Variants in RBFOX2 observed in about 807,000 individuals in gnomAD.
RBFOX2 encodes RNA binding fox-1 homolog 2, also known as RNA binding protein fox-1 homolog 2.
Under a neutral mutation model 49.1 loss-of-function variants are expected in RBFOX2, and 10 were observed. That is an observed-to-expected ratio of 0.20 (90% CI 0.13 to 0.35). The LOEUF (loss-of-function observed/expected upper bound fraction) is 0.35, where lower values mean the gene tolerates loss of function less well. Ranked by LOEUF, RBFOX2 falls within the 10% of genes least tolerant of loss-of-function variation. The pLI is 1.00. For missense variants in RBFOX2, 323 were observed against 486.9 expected, an observed-to-expected ratio of 0.66 and a Z score of 3.17; for synonymous variants, 183 against 187.4, an observed-to-expected ratio of 0.98 and a Z score of 0.19.
chr22:36,018,212 C>T (rs935344476), intron 1 of RBFOX2, among the ~76,000 whole-genome samples: 1 of 152,170 alleles, frequency 6.6e-6, no homozygotes, highest in African/African-American at 2.4e-5. Context: ...GGCAGACATT[C>T]AATCAAGTAT....
At chr22:35,781,555 A>G in intron 3 of RBFOX2, 45 bp downstream of exon 4, 2 of 1,591,192 alleles carry the variant, frequency 1.3e-6, no homozygotes, top group Non-Finnish European at 1.7e-6. Context: ...GGGGATTAAA[A>G]TCTACTTTAA....
chr22:35,769,673 G>C (rs1023870897), intron 4 of RBFOX2, among the ~76,000 whole-genome samples: 31 of 152,106 alleles, frequency 2.0e-4, no homozygotes, highest in African/African-American at 7.5e-4. Flanking sequence ...GGATAACCCA[G>C]AACCCTTTAA....
At chr22:35,881,644 CTTTATTCTTATTTCTTAAT>C (rs1164084431) in intron 1 of RBFOX2, among the ~76,000 whole-genome samples, 1 of 150,288 alleles carries the variant, frequency 6.7e-6, no homozygotes, top group East Asian at 2.0e-4. Flanking sequence ...TTCACTATCC[CTTTATTCTTATTTCTTAAT>C]TATAAGAAAA....
At chr22:35,772,299 A>G (rs752266448) in intron 4 of RBFOX2, among the ~76,000 whole-genome samples, 3 of 152,190 alleles carry the variant, frequency 2.0e-5, no homozygotes, top group Non-Finnish European at 4.4e-5. Flanking sequence ...CAAACCACAT[A>G]TATAATTTAA....
chr22:35,969,399 CT>C (rs1431380923), intron 1 of RBFOX2, among the ~76,000 whole-genome samples: 2 of 152,178 alleles, frequency 1.3e-5, no homozygotes, highest in Non-Finnish European at 2.9e-5. Context: ...TGGTAAAACC[CT>C]GTCTCTACTA....
intron 1 of RBFOX2, among the ~76,000 whole-genome samples, chr22:36,027,338 A>T (rs1340886345): frequency 1.3e-5 from 2 of 152,150 alleles, no homozygotes; most frequent in Middle Eastern, 3.2e-3. Flanking sequence ...GAGACTCATC[A>T]TGTCATAGCA....
At chr22:35,834,686 G>A (rs910398258) in intron 1 of RBFOX2, among the ~76,000 whole-genome samples, 6 of 152,128 alleles carry the variant, frequency 3.9e-5, no homozygotes, top group East Asian at 3.9e-4. Flanking sequence ...AAAGCAGAAG[G>A]GTCCTGAGCA....
At chr22:35,933,926 TTATATATA>T (rs3075245) in intron 1 of RBFOX2, among the ~76,000 whole-genome samples, 19 of 118,020 alleles carry the variant, frequency 1.6e-4, no homozygotes, top group African/African-American at 5.5e-4. Flanking sequence ...TAATTAAATG[TTATATATA>T]TATATATATA....
At chr22:35,973,578 T>G (rs752462071) in intron 1 of RBFOX2, among the ~76,000 whole-genome samples, 2 of 152,204 alleles carry the variant, frequency 1.3e-5, no homozygotes, top group African/African-American at 2.4e-5. Flanking sequence ...AACTGTCTGT[T>G]GTCAGCCCCT....
chr22:35,782,387 T>A (rs1945346063), intron 2 of RBFOX2, among the ~76,000 whole-genome samples: 1 of 152,112 alleles, frequency 6.6e-6, no homozygotes, highest in South Asian at 2.1e-4. Context: ...AGTGGTGCAA[T>A]CTCGGGTCAC....
rs949979287 is a variant in RBFOX2 at position 36,011,878 on chromosome 22, T to C, written c.186+16362A>G. ...TTAAAGACAAAGTCTGAGTTTATTG[T>C]TTGTTGTCACATTCTCTCTCTGAGC... On this transcript the variant is annotated intron_variant, in intron 1 of 13. Coordinates refer to the RBFOX2 transcript ENST00000438146. Among the ~76,000 whole-genome samples, 16 of 152,320 alleles carry C rather than the reference T, an allele frequency of 1.1e-4. No individual in the cohort carries two copies. In the South Asian group the frequency reaches 1.5e-3, roughly 14 times the overall value.
chr22:35,838,685 C>G (rs1006410100), intron 1 of RBFOX2, among the ~76,000 whole-genome samples: 7 of 152,308 alleles, frequency 4.6e-5, no homozygotes, highest in Middle Eastern at 3.4e-3. Flanking sequence ...AAAAATGGCG[C>G]TAAGGCCGAG....
chr22:35,801,329 T>C (rs1949739405), intron 2 of RBFOX2, among the ~76,000 whole-genome samples: 1 of 152,094 alleles, frequency 6.6e-6, no homozygotes, highest in African/African-American at 2.4e-5. Context: ...TTAAGAGACA[T>C]ATAGGCAGAT....
At chr22:35,970,196 A>AT (rs1410786431) in intron 1 of RBFOX2, among the ~76,000 whole-genome samples, 1 of 152,190 alleles carries the variant, frequency 6.6e-6, no homozygotes, top group Non-Finnish European at 1.5e-5. Context: ...GTCTTATGCT[A>AT]TCCCAATTCC....
intron 1 of RBFOX2, among the ~76,000 whole-genome samples, chr22:35,885,759 A>G (rs2046475374): frequency 6.6e-6 from 1 of 152,102 alleles, no homozygotes; most frequent in Non-Finnish European, 1.5e-5. Flanking sequence ...ATATTTAAAT[A>G]AGCAAGTAAA....
chr22:35,889,436 G>A (rs2046991151), intron 1 of RBFOX2, among the ~76,000 whole-genome samples: 2 of 152,018 alleles, frequency 1.3e-5, no homozygotes, highest in South Asian at 4.2e-4. Flanking sequence ...ACAAAAACCT[G>A]GTCCTCTTCT....
chr22:35,907,839 T>C (rs1193858798), intron 1 of RBFOX2, among the ~76,000 whole-genome samples: 1 of 151,850 alleles, frequency 6.6e-6, no homozygotes, highest in Non-Finnish European at 1.5e-5. Flanking sequence ...TGGAGACGGG[T>C]TTTTGTCACA....
At chr22:35,927,915 G>A (rs1473589248) in intron 1 of RBFOX2, among the ~76,000 whole-genome samples, 9 of 152,132 alleles carry the variant, frequency 5.9e-5, no homozygotes, top group Non-Finnish European at 1.0e-4. Flanking sequence ...ATTTCAAATA[G>A]TGAATAAGAA....
intron 1 of RBFOX2, among the ~76,000 whole-genome samples, chr22:35,990,982 A>G (rs2057954714): frequency 6.6e-6 from 1 of 152,096 alleles, no homozygotes; most frequent in Non-Finnish European, 1.5e-5. Context: ...CCACTAAGCC[A>G]AGCATGGTGT....
Sources: gnomAD v4.1 joint callset for allele counts (sites outside exome capture counted in the v4.1 genomes callset) on GRCh38, gnomAD v4.1.1 for gene constraint, MANE v1.5 for transcripts, NCBI Gene and HGNC (gene_info 2026-07-23, HGNC 2026-07-21) for gene names.